The following PPFIA2 variants were observed in gnomAD, a reference collection of about 807,000 sequenced individuals.
PPFIA2 encodes PPFI scaffold protein A2, also known as liprin-alpha-2.
A neutral mutation model predicts 175.5 loss-of-function variants in PPFIA2; 46 were observed. The ratio of observed to expected loss-of-function variants is 0.26; its 90% CI spans 0.21 to 0.34. The LOEUF (loss-of-function observed/expected upper bound fraction) is 0.34, where lower values mean the gene tolerates loss of function less well. PPFIA2 is among the 10% of genes least tolerant of loss of function. PPFIA2 has a pLI of 1.00. For missense variants in PPFIA2, 1,179 were observed against 1,506.1 expected (o/e 0.78, Z 3.60); for synonymous variants, 568 against 511.4 (o/e 1.11, Z -1.49).
chr12:81,663,398 G>T (rs569421508), intron 4 of PPFIA2, among the ~76,000 whole-genome samples: 1 of 152,186 alleles, frequency 6.6e-6, no homozygotes, highest in African/African-American at 2.4e-5. Context: ...ACCAATAACA[G>T]ACAAACAGAG....
chr12:81,463,966 A>G (rs1403369061), intron 4 of PPFIA2, among the ~76,000 whole-genome samples: 1 of 152,144 alleles, frequency 6.6e-6, no homozygotes, highest in Non-Finnish European at 1.5e-5. Context: ...ATTTGTTACA[A>G]GTCTCTTAAA....
chr12:81,750,919 T>A (rs938591648), intron 3 of PPFIA2, among the ~76,000 whole-genome samples: 1 of 152,142 alleles, frequency 6.6e-6, no homozygotes. Flanking sequence ...TGGTTTTCAA[T>A]TTTACATGCT....
In PPFIA2 at chr12:81,341,153, G is replaced by A. The variant is rs1451543005; in HGVS notation, c.2318C>T (p.Thr773Ile). 1 of 1,611,950 alleles carries A rather than the reference G, an allele frequency of 6.2e-7. No individual in the cohort carries two copies. The highest frequency in any genetic ancestry group is 2.2e-5 in the East Asian group (1 of 44,822). The change falls in exon 20 of 33, where the codon ACT becomes ATT. Residue 773 changes from threonine (T) to isoleucine (I), a missense_variant. Coordinates refer to ENST00000549396, the MANE Select transcript of PPFIA2 (RefSeq NM_003625.5). ...GGCTCTAGGGGTAGGAGGAGGAGAA[G>A]TTTCACATTTAATTGTTGCTTTGTC... ...REDKATIKCE[T>I]SPPPTPRALR...
intron 2 of PPFIA2, among the ~76,000 whole-genome samples, chr12:81,754,501 A>G (rs1353622966): frequency 1.3e-5 from 2 of 152,202 alleles, no homozygotes; most frequent in Non-Finnish European, 2.9e-5. Context: ...ATTGTTGTTC[A>G]TGATTTATCC....
intron 4 of PPFIA2, among the ~76,000 whole-genome samples, chr12:81,561,615 A>T (rs892520423): frequency 8.5e-5 from 13 of 152,198 alleles, no homozygotes; most frequent in African/African-American, 3.1e-4. Flanking sequence ...TCTCTGATAA[A>T]TAAATTTTAT....
At chr12:81,375,764 AC>A in intron 10 of PPFIA2, 31 bp downstream of exon 10, 1 of 1,568,644 alleles carries the variant, frequency 6.4e-7, no homozygotes, top group Non-Finnish European at 8.8e-7. Flanking sequence ...GAACGCACAG[AC>A]CAGAAGAAAA....
At chr12:81,488,811 G>A (rs1374926325) in intron 4 of PPFIA2, among the ~76,000 whole-genome samples, 1 of 151,664 alleles carries the variant, frequency 6.6e-6, no homozygotes, top group Non-Finnish European at 1.5e-5. Context: ...GTTCCCACAC[G>A]AGAACACATG....
chr12:81,448,785 C>T (rs2051828167), intron 5 of PPFIA2, among the ~76,000 whole-genome samples: 1 of 152,162 alleles, frequency 6.6e-6, no homozygotes, highest in East Asian at 1.9e-4. Context: ...TTCACCTTCG[C>T]TTTCATATTT....
At chr12:81,573,717 C>T (rs1002035119) in intron 4 of PPFIA2, among the ~76,000 whole-genome samples, 1 of 151,890 alleles carries the variant, frequency 6.6e-6, no homozygotes, top group African/African-American at 2.4e-5. Context: ...TGTCTTTAAT[C>T]ACTGATGCCA....
chr12:81,602,513 T>C (rs182078720), intron 4 of PPFIA2, among the ~76,000 whole-genome samples: 1 of 151,856 alleles, frequency 6.6e-6, no homozygotes, highest in Non-Finnish European at 1.5e-5. Context: ...GCATATATAC[T>C]AGAATAAAGA....
chr12:81,284,463 G>T, intron 24 of PPFIA2, 160 bp from the exon 25 acceptor site: 1 of 562,026 alleles, frequency 1.8e-6, no homozygotes, highest in Non-Finnish European at 3.2e-6. Flanking sequence ...GGTTTGCTCA[G>T]AGCTCCCTGT....
At chr12:81,319,652 C>A (rs560578275) in intron 22 of PPFIA2, among the ~76,000 whole-genome samples, 17 of 151,972 alleles carry the variant, frequency 1.1e-4, no homozygotes, top group Admixed American at 2.6e-4. Context: ...GCACAAATAT[C>A]TGTTCCAAAC....
chr12:81,540,072 GAGAGAA>G (rs1333667084), intron 4 of PPFIA2, among the ~76,000 whole-genome samples: 3 of 151,976 alleles, frequency 2.0e-5, no homozygotes, highest in Non-Finnish European at 2.9e-5. Context: ...GACAGAGAGA[GAGAGAA>G]AGAGAAAGAG....
intron 3 of PPFIA2, among the ~76,000 whole-genome samples, chr12:81,728,344 C>CA (rs1444930407): frequency 1.3e-5 from 2 of 151,298 alleles, no homozygotes; most frequent in African/African-American, 4.8e-5. Flanking sequence ...ATGTCAATGG[C>CA]AAAAAATAAT....
intron 3 of PPFIA2, among the ~76,000 whole-genome samples, chr12:81,715,210 C>T (rs1170558384): frequency 6.6e-6 from 1 of 151,634 alleles, no homozygotes; most frequent in Non-Finnish European, 1.5e-5. Flanking sequence ...ACATAGGATT[C>T]TAGTCCTAGG....
intron 15 of PPFIA2, among the ~76,000 whole-genome samples, chr12:81,362,333 T>C (rs2031096537): frequency 6.6e-6 from 1 of 151,444 alleles, no homozygotes; most frequent in Non-Finnish European, 1.5e-5. Flanking sequence ...TCGAATTCAA[T>C]TTCTGTATTG....
At chr12:81,325,286 T>A (rs1169637666) in intron 22 of PPFIA2, among the ~76,000 whole-genome samples, 1 of 152,074 alleles carries the variant, frequency 6.6e-6, no homozygotes, top group Non-Finnish European at 1.5e-5. Flanking sequence ...TCCTATATTA[T>A]ATATGAATGA....
chr12:81,275,886 G>A (rs1030533128), intron 28 of PPFIA2, among the ~76,000 whole-genome samples: 4 of 151,202 alleles, frequency 2.6e-5, no homozygotes, highest in African/African-American at 9.7e-5. Flanking sequence ...CAGGGTTCAC[G>A]CCATTCTCCT....
At chr12:81,720,996 T>C (rs1460400495) in intron 3 of PPFIA2, among the ~76,000 whole-genome samples, 2 of 150,420 alleles carry the variant, frequency 1.3e-5, no homozygotes, top group African/African-American at 4.9e-5. Flanking sequence ...GCACATAAGA[T>C]GAACTATAAA....
Sources: gnomAD v4.1 joint callset for allele counts (sites outside exome capture counted in the v4.1 genomes callset) on GRCh38, gnomAD v4.1.1 for gene constraint, MANE v1.5 for transcripts, NCBI Gene and HGNC (gene_info 2026-07-23, HGNC 2026-07-21) for gene names.